RIGI: variants seen among roughly 807,000 people sequenced by gnomAD.
RIGI encodes the protein RNA sensor RIG-I, also known as antiviral innate immune response receptor RIG-I.
At chr9:32,501,011 A>T in the RIGI span, 1 of 1,552,986 alleles carries the variant, frequency 6.4e-7, no homozygotes, top group Non-Finnish European at 8.8e-7. Flanking sequence ...CCAGAAAAGG[A>T]TCACCAGACC....
chr9:32,503,700 C>T, the RIGI span, among the ~76,000 whole-genome samples: 1 of 152,268 alleles, frequency 6.6e-6, no homozygotes, highest in Admixed American at 6.5e-5. Context: ...ATACTGCCCA[C>T]CTGGTGCCCC....
the RIGI span, among the ~76,000 whole-genome samples, chr9:32,472,721 C>A: frequency 6.6e-6 from 1 of 152,286 alleles, no homozygotes; most frequent in Non-Finnish European, 1.5e-5. Flanking sequence ...AAATTCCTTG[C>A]AAGAAATCTC....
the RIGI span, among the ~76,000 whole-genome samples, chr9:32,519,363 A>G: frequency 6.6e-6 from 1 of 152,192 alleles, no homozygotes; most frequent in African/African-American, 2.4e-5. Context: ...CTACTTATCC[A>G]AAGTTCCTAA....
the RIGI span, among the ~76,000 whole-genome samples, chr9:32,473,392 A>G: frequency 6.6e-6 from 1 of 150,944 alleles, no homozygotes; most frequent in East Asian, 2.0e-4. Context: ...GGTTCAAGCA[A>G]TTCTTTGCCT....
chr9:32,518,823 C>G, the RIGI span, among the ~76,000 whole-genome samples: 1 of 152,146 alleles, frequency 6.6e-6, no homozygotes, highest in Non-Finnish European at 1.5e-5. Context: ...ACTTACTGGT[C>G]GGCCTCCTCC....
the RIGI span, among the ~76,000 whole-genome samples, chr9:32,518,473 T>C: frequency 6.6e-6 from 1 of 152,058 alleles, no homozygotes; most frequent in Non-Finnish European, 1.5e-5. Flanking sequence ...GTAAGTCATG[T>C]AGTTTCTTTC....
At chr9:32,468,376 G>A in the RIGI span, among the ~76,000 whole-genome samples, 1 of 152,152 alleles carries the variant, frequency 6.6e-6, no homozygotes, top group Non-Finnish European at 1.5e-5. Context: ...CTTAACAAAC[G>A]AGGGTCGTGC....
the RIGI span, among the ~76,000 whole-genome samples, chr9:32,522,168 G>A: frequency 6.6e-6 from 1 of 152,126 alleles, no homozygotes; most frequent in African/African-American, 2.4e-5. Flanking sequence ...GAACTAATGT[G>A]GGACTGAAAT....
the RIGI span, chr9:32,466,248 A>G: frequency 6.3e-7 from 1 of 1,598,744 alleles, no homozygotes; most frequent in Non-Finnish European, 8.5e-7. Flanking sequence ...ATTCCCTGAT[A>G]GTTATTTATG....
At chr9:32,488,075 G>T in the RIGI span, 5 of 1,614,096 alleles carry the variant, frequency 3.1e-6, no homozygotes, top group Non-Finnish European at 4.2e-6. Context: ...GGATAGTGAT[G>T]GAATCGTTCC....
chr9:32,472,058 G>A, the RIGI span, among the ~76,000 whole-genome samples: 11 of 152,028 alleles, frequency 7.2e-5, no homozygotes, highest in Non-Finnish European at 1.3e-4. Context: ...ATGAGGGCGG[G>A]CCACCTAGGA....
the RIGI span, among the ~76,000 whole-genome samples, chr9:32,482,650 A>G: frequency 3.9e-5 from 6 of 152,094 alleles, no homozygotes; most frequent in African/African-American, 1.4e-4. Flanking sequence ...CACGAGGTCA[A>G]GAGATTGAGA....
chr9:32,469,692 G>A, the RIGI span, among the ~76,000 whole-genome samples: 2 of 152,208 alleles, frequency 1.3e-5, no homozygotes, highest in African/African-American at 2.4e-5. Flanking sequence ...AATATCCTGC[G>A]ATAGTGGAGG....
chr9:32,463,611 A>G, the RIGI span, among the ~76,000 whole-genome samples: 1 of 152,198 alleles, frequency 6.6e-6, no homozygotes, highest in Non-Finnish European at 1.5e-5. Context: ...AAACTATTAC[A>G]GCTATACTTA....
the RIGI span, among the ~76,000 whole-genome samples, chr9:32,461,675 C>T: frequency 6.6e-4 from 101 of 152,186 alleles, no homozygotes; most frequent in East Asian, 0.018. Context: ...CTCTGTTAGG[C>T]TAGTCTTATG....
the RIGI span, chr9:32,466,366 T>C: frequency 6.2e-7 from 1 of 1,613,920 alleles, no homozygotes; most frequent in South Asian, 1.1e-5. Context: ...TTTGTACATG[T>C]TTATTTGTTC....
chr9:32,508,126 G>A, the RIGI span, among the ~76,000 whole-genome samples: 3 of 151,544 alleles, frequency 2.0e-5, no homozygotes, highest in Non-Finnish European at 4.4e-5. Flanking sequence ...GTGGAAAATG[G>A]TAATATTTTA....
the RIGI span, among the ~76,000 whole-genome samples, chr9:32,512,411 A>G: frequency 6.6e-6 from 1 of 152,240 alleles, no homozygotes; most frequent in Non-Finnish European, 1.5e-5. Context: ...AGGCTGGTTC[A>G]ACATATACAA....
At chr9:32,524,684 C>A in the RIGI span, among the ~76,000 whole-genome samples, 1 of 135,548 alleles carries the variant, frequency 7.4e-6, no homozygotes, top group Non-Finnish European at 1.5e-5. Flanking sequence ...CTCACCATAA[C>A]CTCTGCCTCC....
Sources: allele counts gnomAD v4.1 joint callset (sites outside exome capture counted in the v4.1 genomes callset), GRCh38; gene constraint gnomAD v4.1.1; transcripts MANE v1.5; gene names NCBI Gene and HGNC (gene_info 2026-07-23, HGNC 2026-07-21).